The following CDC42BPA variants were observed in gnomAD, a reference collection of about 807,000 sequenced individuals.
CDC42BPA encodes the protein CDC42 binding protein kinase alpha.
In CDC42BPA, 80 loss-of-function variants were observed where a neutral mutation model predicts 223.5. That is an observed-to-expected ratio of 0.36 (90% CI 0.30 to 0.43). The LOEUF is 0.43. Ranked by LOEUF, CDC42BPA falls within the 20% of genes least tolerant of loss-of-function variation. The pLI is 1.00. For synonymous variants in CDC42BPA, 694 were observed against 718.6 expected, an observed-to-expected ratio of 0.97 and a Z score of 0.55; for missense variants, 1,743 against 2,099.9, an observed-to-expected ratio of 0.83 and a Z score of 3.32.
At chr1:227,117,133 G>T (rs1687891550) in intron 12 of CDC42BPA, among the ~76,000 whole-genome samples, 1 of 152,096 alleles carries the variant, frequency 6.6e-6, no homozygotes, top group Non-Finnish European at 1.5e-5. Context: ...TATTTCTCTT[G>T]GGGTAAGACT....
chr1:227,268,652 G>GTGTA lies in CDC42BPA; in HGVS notation c.179-14498_179-14497insTACA, dbSNP rs1197850565. Among the ~76,000 whole-genome samples the GTGTA allele has an allele frequency of 4.3e-5, 6 of 138,694 alleles. No individual in the cohort carries two copies. The South Asian group carries it at 6.5e-4, about 15-fold the overall frequency. The allele number at this position is 138,694 out of a possible 152,430, so 91.0% of individuals were successfully genotyped here. ...GTATGTGTATATATATAGTGTGTGT[G>GTGTA]TATATATATATATACATATATATAT... is the stretch of plus-strand genomic sequence containing the variant. On this transcript the variant is annotated intron_variant, in intron 1 of 36. Coordinates refer to ENST00000366766, the MANE Select transcript of CDC42BPA (RefSeq NM_001394014.1).
intron 5 of CDC42BPA, among the ~76,000 whole-genome samples, chr1:227,187,966 C>A (rs1669101830): frequency 6.6e-6 from 1 of 151,660 alleles, no homozygotes; most frequent in Non-Finnish European, 1.5e-5. Context: ...CAAACAAAAA[C>A]TGAGGGGATT....
At chr1:227,255,761 G>A (rs1198536859) in intron 1 of CDC42BPA, among the ~76,000 whole-genome samples, 3 of 152,138 alleles carry the variant, frequency 2.0e-5, no homozygotes, top group African/African-American at 4.8e-5. Context: ...TGAAAGACTT[G>A]TACATTGGAA....
At chr1:227,047,395 CCTCT>C (rs373912800) in intron 23 of CDC42BPA, among the ~76,000 whole-genome samples, 1 of 151,732 alleles carries the variant, frequency 6.6e-6, no homozygotes, top group Non-Finnish European at 1.5e-5. Context: ...GGTCTATTGA[CCTCT>C]CTCTCTCATT....
chr1:227,025,531 GT>G (rs1168150083), intron 31 of CDC42BPA, among the ~76,000 whole-genome samples: 1 of 151,906 alleles, frequency 6.6e-6, no homozygotes, highest in African/African-American at 2.4e-5. Context: ...TTCTATAATT[GT>G]AAAAATTCTC....
rs1302291274 is a variant in CDC42BPA at position 227,168,497 on chromosome 1, G to GTGTTTTGTTTTTTTT, written c.600-7862_600-7861insAAAAAAAACAAAACA. On this transcript the variant is annotated intron_variant, in intron 5 of 36. Coordinates refer to ENST00000366766, the MANE Select transcript of CDC42BPA (RefSeq NM_001394014.1). ...CTTTTTCATATTTATCTTCCCTGGTGTTTTTTTTTTTTTTTTGAGGCAGAG... is the reference window on the plus strand; with the variant it reads ...CTTTTTCATATTTATCTTCCCTGGTGTGTTTTGTTTTTTTTTTTTTTTTTTTTTTTTGAGGCAGAG... Among the ~76,000 whole-genome samples, 65 of 80,210 alleles carry GTGTTTTGTTTTTTTT rather than the reference G, an allele frequency of 8.1e-4. 4 individuals are homozygous for GTGTTTTGTTTTTTTT. Among genetic ancestry groups the GTGTTTTGTTTTTTTT allele is most frequent in the Non-Finnish European group, 9.0e-4 (38 of 42,208 alleles). The allele number at this position is 80,210 out of a possible 152,430, so 52.6% of individuals were successfully genotyped here. A position where few individuals can be genotyped will look rare whatever the true frequency, so the allele number is the denominator to read the frequency against.
chr1:227,072,327 G>A (rs954927526), intron 19 of CDC42BPA, 28 bp from the exon 20 acceptor site: 2 of 1,355,034 alleles, frequency 1.5e-6, no homozygotes, highest in Admixed American at 1.7e-5. Context: ...AAGGAAAAAT[G>A]TCATTAATTT....
At chr1:227,140,787 A>C (rs991675707) in intron 9 of CDC42BPA, among the ~76,000 whole-genome samples, 1 of 152,218 alleles carries the variant, frequency 6.6e-6, no homozygotes, top group Non-Finnish European at 1.5e-5. Flanking sequence ...TTACATAGTA[A>C]GTGGGTGGTT....
chr1:227,061,630 T>C (rs1201064620), intron 21 of CDC42BPA, among the ~76,000 whole-genome samples: 1 of 152,238 alleles, frequency 6.6e-6, no homozygotes, highest in Non-Finnish European at 1.5e-5. Flanking sequence ...TGGTTTGTCC[T>C]ATCTGACCAA....
intron 1 of CDC42BPA, chr1:227,265,167 AG>A: frequency 2.9e-6 from 2 of 692,362 alleles, no homozygotes; most frequent in South Asian, 1.5e-5. Context: ...CCACAGTGGT[AG>A]GAAGACCAGC....
In CDC42BPA at chr1:227,267,136, T is replaced by G. The variant is rs533695087; in HGVS notation, c.179-12981A>C. ...AAGTTTGGTCCTACTAAGAAAATGC[T>G]TAATTTATGCATTTTTATAACAAAA... On this transcript the variant is annotated intron_variant, in intron 1 of 36. Coordinates refer to ENST00000366766, the MANE Select transcript of CDC42BPA (RefSeq NM_001394014.1). Among the ~76,000 whole-genome samples, 96 of 152,316 alleles carry G rather than the reference T, an allele frequency of 6.3e-4. 2 individuals carry two copies. The highest frequency in any genetic ancestry group is 6.2e-3 in the Admixed American group (95 of 15,290).
chr1:227,291,595 T>A (rs1203970697), intron 1 of CDC42BPA, among the ~76,000 whole-genome samples: 2 of 151,860 alleles, frequency 1.3e-5, no homozygotes, highest in Non-Finnish European at 2.9e-5. Flanking sequence ...AAATCTATAC[T>A]ACAACAACAG....
At chr1:227,078,563 G>C (rs904316727) in intron 17 of CDC42BPA, among the ~76,000 whole-genome samples, 5 of 152,048 alleles carry the variant, frequency 3.3e-5, no homozygotes, top group African/African-American at 1.2e-4. Context: ...AGCCAATGGC[G>C]AGAAGGAAGG....
chr1:227,280,448 A>C (rs939155888), intron 1 of CDC42BPA, among the ~76,000 whole-genome samples: 1 of 152,206 alleles, frequency 6.6e-6, no homozygotes. Context: ...AAAATGGGAG[A>C]TGGTTCATTG....
intron 1 of CDC42BPA, among the ~76,000 whole-genome samples, chr1:227,254,702 C>A (rs1427168643): frequency 3.9e-5 from 6 of 152,078 alleles, no homozygotes; most frequent in Admixed American, 3.9e-4. Flanking sequence ...AGTCTTCATT[C>A]AAGAAAGACA....
At chr1:227,246,589 C>A (rs980419586) in intron 2 of CDC42BPA, among the ~76,000 whole-genome samples, 1 of 152,076 alleles carries the variant, frequency 6.6e-6, no homozygotes, top group Non-Finnish European at 1.5e-5. Context: ...GCCTGGTAAT[C>A]CAGAGAAAAC....
chr1:227,197,630 T>A (rs918065083), intron 4 of CDC42BPA, among the ~76,000 whole-genome samples: 1 of 152,128 alleles, frequency 6.6e-6, no homozygotes, highest in African/African-American at 2.4e-5. Flanking sequence ...GGTACTTTAT[T>A]TCTATTAATA....
chr1:227,280,528 A>G (rs1687845599), intron 1 of CDC42BPA, among the ~76,000 whole-genome samples: 1 of 152,240 alleles, frequency 6.6e-6, no homozygotes, highest in Non-Finnish European at 1.5e-5. Flanking sequence ...TAGAAGACTA[A>G]TTAGGAAAGC....
chr1:227,246,531 A>G (rs1680999459), intron 2 of CDC42BPA, among the ~76,000 whole-genome samples: 1 of 152,232 alleles, frequency 6.6e-6, no homozygotes. Context: ...ACAGAAAGAA[A>G]GACCCAATAT....
Sources: gnomAD v4.1 joint callset for allele counts (sites outside exome capture counted in the v4.1 genomes callset) on GRCh38, gnomAD v4.1.1 for gene constraint, MANE v1.5 for transcripts, NCBI Gene and HGNC (gene_info 2026-07-23, HGNC 2026-07-21) for gene names.